Variants in ANK1 observed in about 807,000 individuals in gnomAD.
ANK1 encodes ankyrin 1.
ANK1 carries 51 observed loss-of-function variants against 210.4 expected under a neutral mutation model. The observed-to-expected ratio is 0.24, with a 90% CI of 0.19 to 0.31. The LOEUF (loss-of-function observed/expected upper bound fraction) is 0.31. Among genes scored for constraint, ANK1 ranks in the 10% least tolerant of loss-of-function variants. The pLI is 1.00. For missense variants in ANK1, 2,051 were observed against 2,504.4 expected, an observed-to-expected ratio of 0.82 and a Z score of 3.86; for synonymous variants, 967 against 1,025.9, an observed-to-expected ratio of 0.94 and a Z score of 1.10.
chr8:41,777,401 C>G (rs545123533), intron 1 of ANK1, among the ~76,000 whole-genome samples: 1 of 152,090 alleles, frequency 6.6e-6, no homozygotes, highest in South Asian at 2.1e-4. Context: ...ATGGTGAAAC[C>G]CCATCTCTAC....
At chr8:41,714,832 C>G (rs1563532352) in intron 15 of ANK1, 144 bp downstream of exon 15, 2 of 850,056 alleles carry the variant, frequency 2.4e-6, no homozygotes. Flanking sequence ...TGCACTCCAG[C>G]CTGGGCAACA....
chr8:41,890,054 T>C (rs368016370), intron 1 of ANK1, among the ~76,000 whole-genome samples: 13 of 152,202 alleles, frequency 8.5e-5, no homozygotes, highest in East Asian at 7.7e-4. Flanking sequence ...CACAATACCA[T>C]TGGAAGGCCA....
intron 2 of ANK1, among the ~76,000 whole-genome samples, chr8:41,739,521 C>CTTTTTTTTTTTCTTT (rs774043664): frequency 1.6e-4 from 19 of 116,110 alleles, no homozygotes; most frequent in Admixed American, 3.6e-4. Context: ...TTTTTTCTTT[C>CTTTTTTTTTTTCTTT]TTTTTTTTTT....
At chr8:41,793,984 G>T (rs1848252653) in intron 1 of ANK1, among the ~76,000 whole-genome samples, 3 of 152,200 alleles carry the variant, frequency 2.0e-5, no homozygotes, top group Admixed American at 6.5e-5. Context: ...CCAGAGGGAA[G>T]CAAGTTGAGA....
chr8:41,697,290 G>A lies in ANK1; in HGVS notation c.2638-517C>T, dbSNP rs562244306. ...CTTCCTGCCTCCTCACCTGTGCAAC[G>A]GGAACTTGCCTTAGGGTAACGCTGC... On this transcript the variant is annotated intron_variant, in intron 24 of 42. Transcript: ENST00000289734. Among the ~76,000 whole-genome samples the A allele has an allele frequency of 1.9e-4, 29 of 152,300 alleles. No individual in the cohort carries two copies. In the East Asian group the frequency reaches 4.4e-3, roughly 23 times the overall value.
chr8:41,857,828 C>T (rs977612678), intron 1 of ANK1, among the ~76,000 whole-genome samples: 11 of 151,806 alleles, frequency 7.2e-5, no homozygotes, highest in Non-Finnish European at 1.3e-4. Flanking sequence ...CACTTGAACC[C>T]GCAAGGTGGA....
In ANK1 at chr8:41,661,933, G is replaced by C; in HGVS notation, c.5487C>G (p.Arg1829=). ...QGNIVTKKII[R]KVVRQIDLSS... is the part of the protein sequence containing the mutation. ...ACAAGTCTATCTGTCGAACCACCTTGCGAATGATCTAGGAAAGGAAGGGAA... is the reference window on the plus strand; with the variant it reads ...ACAAGTCTATCTGTCGAACCACCTTCCGAATGATCTAGGAAAGGAAGGGAA... The change falls in exon 41 of 43, where the codon CGC becomes CGG. Residue 1829 remains arginine (R), a synonymous_variant. Transcript: ENST00000289734. 6.2e-7 allele frequency: 1 copy of C among 1,613,966 alleles called. No homozygotes were observed. Among genetic ancestry groups the C allele is most frequent in the Non-Finnish European group, 8.5e-7 (1 of 1,180,024 alleles).
At chr8:41,718,259 G>T in intron 10 of ANK1, 55 bp from the exon 11 acceptor site, 2 of 1,572,646 alleles carry the variant, frequency 1.3e-6, no homozygotes, top group South Asian at 1.1e-5. Flanking sequence ...CGGGCCCAAG[G>T]AACGCCCAGA....
rs76233269 is a variant in ANK1 at position 41,810,796 on chromosome 8, G to A, written c.127-52659C>T. Among the ~76,000 whole-genome samples the A allele has an allele frequency of 1.1e-3, 162 of 152,364 alleles. 2 individuals carry two copies. In the East Asian group the frequency reaches 0.029, roughly 27 times the overall value. ...AGGGCCGGGAGAGCCAGGAGAACAG[G>A]AGAAACTTCCCACACCTGTCTCCCC... On this transcript the variant is annotated intron_variant, in intron 1 of 42. Coordinates refer to the ANK1 transcript ENST00000265709.
intron 1 of ANK1, among the ~76,000 whole-genome samples, chr8:41,766,563 G>A (rs561095490): frequency 6.6e-6 from 1 of 152,314 alleles, no homozygotes; most frequent in East Asian, 1.9e-4. Context: ...CCGAACTCGG[G>A]ACATTGGGAA....
chr8:41,655,498 C>A lies in ANK1; in HGVS notation c.*292G>T, dbSNP rs970184906. 10 of 547,136 alleles carry A rather than the reference C, an allele frequency of 1.8e-5. No individual in the cohort carries two copies. The highest frequency in any genetic ancestry group is 1.3e-4 in the Admixed American group (4 of 31,914). 33.9% of individuals were successfully genotyped at this position (547,136 alleles called of 1,614,324 possible). Reference sequence around the variant, plus strand: ...GCGCTTGTTTTCTATCCCTCTCTCTCCCCGCTTCTTGCTGCTTTTGTGTCC... The same window carrying A: ...GCGCTTGTTTTCTATCCCTCTCTCTACCCGCTTCTTGCTGCTTTTGTGTCC... On this transcript the variant is annotated 3_prime_UTR_variant, in exon 43 of 43. Coordinates refer to ENST00000289734, the MANE Select transcript of ANK1 (RefSeq NM_000037.4).
At chr8:41,736,600 G>A (rs1833485256) in intron 2 of ANK1, among the ~76,000 whole-genome samples, 1 of 152,354 alleles carries the variant, frequency 6.6e-6, no homozygotes, top group African/African-American at 2.4e-5. Context: ...CCTTGCCTCG[G>A]TGCTGACGGC....
At chr8:41,737,630 A>T (rs904175184) in intron 2 of ANK1, among the ~76,000 whole-genome samples, 2 of 152,212 alleles carry the variant, frequency 1.3e-5, no homozygotes, top group Non-Finnish European at 2.9e-5. Flanking sequence ...TATGATTTTT[A>T]AAAAATGTTT....
At chr8:41,872,492 C>T (rs1272757668) in intron 1 of ANK1, among the ~76,000 whole-genome samples, 1 of 152,218 alleles carries the variant, frequency 6.6e-6, no homozygotes, top group Non-Finnish European at 1.5e-5. Flanking sequence ...AATTCCAGAC[C>T]CCCAGCTTCT....
intron 1 of ANK1, among the ~76,000 whole-genome samples, chr8:41,817,093 CTT>C (rs986442730): frequency 2.8e-5 from 4 of 144,528 alleles, no homozygotes; most frequent in Admixed American, 6.9e-5. Context: ...CAAATAGTTT[CTT>C]TTTTTTTTTT....
intron 37 of ANK1, among the ~76,000 whole-genome samples, chr8:41,679,785 C>G (rs1054311906): frequency 6.6e-6 from 1 of 151,424 alleles, no homozygotes; most frequent in Non-Finnish European, 1.5e-5. Context: ...AGGATGGTCT[C>G]GATCTCCTGA....
rs1563511317 is a variant in ANK1, at chr8:41,708,765, A to T, written c.1998+13T>A. The T allele has an allele frequency of 6.2e-7, 1 of 1,613,450 alleles. No homozygotes were observed. The highest frequency in any genetic ancestry group is 8.5e-7 in the Non-Finnish European group (1 of 1,180,024). The stretch of plus-strand genomic sequence containing the variant: ...CCAGCACTCCAGGGCAGATCCGAAG[A>T]CACCATGCCTACCTTGTTCCCCAGG... On this transcript the variant is annotated intron_variant, in intron 17 of 42. Transcript: ENST00000289734.
At chr8:41,764,569 T>C (rs995859787) in intron 1 of ANK1, among the ~76,000 whole-genome samples, 4 of 152,206 alleles carry the variant, frequency 2.6e-5, no homozygotes, top group Non-Finnish European at 5.9e-5. Flanking sequence ...CTGCTCATCC[T>C]ATACAGAAAA....
chr8:41,672,632 G>A lies in ANK1; in HGVS notation c.4818C>T (p.Leu1606=). ...ACTCGGGGCCCCGCGGTTCCTCTGA[G>A]AGTGCCCCCTCCAACTTCCACTCGT... The part of the protein sequence containing the change: ...TGHEWKLEGA[L]SEEPRGPELG... The change falls in exon 38 of 43, where the codon CTC becomes CTT. Residue 1606 remains leucine (L), a synonymous_variant. Coordinates refer to ENST00000289734, the MANE Select transcript of ANK1 (RefSeq NM_000037.4). The A allele has an allele frequency of 6.2e-7, 1 of 1,614,220 alleles. No individual in the cohort carries two copies. Among genetic ancestry groups the A allele is most frequent in the South Asian group, 1.1e-5 (1 of 91,082 alleles).
Sources: allele counts gnomAD v4.1 joint callset (sites outside exome capture counted in the v4.1 genomes callset), GRCh38; gene constraint gnomAD v4.1.1; transcripts MANE v1.5; gene names NCBI Gene and HGNC (gene_info 2026-07-23, HGNC 2026-07-21).